The following RALA variants were observed in gnomAD, a reference collection of about 807,000 sequenced individuals.
The protein encoded by RALA is ras-related protein Ral-A.
Under a neutral mutation model 24.0 loss-of-function variants are expected in RALA, and 5 were observed. The observed-to-expected ratio is 0.21, with a 90% confidence interval of 0.11 to 0.44. The LOEUF is 0.44. Among genes scored for constraint, RALA ranks in the 20% least tolerant of loss-of-function variants. RALA has a pLI of 0.99. For missense variants in RALA, 95 were observed against 241.2 expected, an observed-to-expected ratio of 0.39 and a Z score of 4.01; for synonymous variants, 77 against 83.8, an observed-to-expected ratio of 0.92 and a Z score of 0.44.
At chr7:39,651,847 CTG>C (rs1386368114) in intron 1 of RALA, among the ~76,000 whole-genome samples, 19 of 152,144 alleles carry the variant, frequency 1.2e-4, no homozygotes, top group Admixed American at 5.2e-4. Context: ...TTTTAAACGA[CTG>C]TTTTATGGTT....
intron 1 of RALA, among the ~76,000 whole-genome samples, chr7:39,647,214 T>C (rs575164219): frequency 6.6e-6 from 1 of 152,172 alleles, no homozygotes; most frequent in East Asian, 1.9e-4. Flanking sequence ...AGCTGATTTT[T>C]GTATTTTTTG....
intron 1 of RALA, among the ~76,000 whole-genome samples, chr7:39,683,228 G>C (rs1792637212): frequency 6.6e-6 from 1 of 152,192 alleles, no homozygotes; most frequent in Non-Finnish European, 1.5e-5. Context: ...ACAGGAAACA[G>C]ACTGACACTA....
At chr7:39,633,435 G>A (rs539117674) in intron 1 of RALA, among the ~76,000 whole-genome samples, 3 of 152,098 alleles carry the variant, frequency 2.0e-5, no homozygotes, top group African/African-American at 4.8e-5. Context: ...GAGCAGGAGC[G>A]AGCATGTGCA....
intron 3 of RALA, among the ~76,000 whole-genome samples, chr7:39,693,063 A>G (rs1313055070): frequency 6.6e-6 from 1 of 152,208 alleles, no homozygotes; most frequent in South Asian, 2.1e-4. Flanking sequence ...CGATCCCATT[A>G]CTGGGTATGT....
At chr7:39,645,912 G>C (rs1791916810) in intron 1 of RALA, among the ~76,000 whole-genome samples, 1 of 152,170 alleles carries the variant, frequency 6.6e-6, no homozygotes, top group Non-Finnish European at 1.5e-5. Flanking sequence ...AGAGGTGTCA[G>C]GAGGTTGTAG....
intron 4 of RALA, chr7:39,700,239 T>C (rs1793001519): frequency 6.6e-6 from 1 of 152,278 alleles, no homozygotes; most frequent in Non-Finnish European, 1.5e-5. Context: ...ATACATTCTG[T>C]GGCCAAGAAT....
intron 1 of RALA, among the ~76,000 whole-genome samples, chr7:39,636,856 A>G (rs1027714306): frequency 5.9e-5 from 9 of 152,254 alleles, no homozygotes; most frequent in African/African-American, 2.2e-4. Flanking sequence ...ACACGGGGGC[A>G]AGGAAGTGCT....
At position 39,707,302 on chromosome 7, in the gene RALA, C is replaced by T. The variant is rs1419716338; in HGVS notation, c.*1057C>T. 2.0e-5 allele frequency: 3 copies of T among 152,160 alleles called. No individual in the cohort carries two copies. Among genetic ancestry groups the T allele is most frequent in the Admixed American group, 6.5e-5 (1 of 15,276 alleles). The allele number at this position is 152,160 out of a possible 1,614,324, so 9.4% of individuals were successfully genotyped here. ...AGTGCTAATGCATTTTGCACTAGAA[C>T]GCTTCGGGAAAATATTCATGCTTGC... On this transcript the variant is annotated 3_prime_UTR_variant, in exon 5 of 5. Coordinates refer to ENST00000005257, the MANE Select transcript of RALA (RefSeq NM_005402.4).
intron 1 of RALA, among the ~76,000 whole-genome samples, chr7:39,685,389 G>C (rs1176268541): frequency 6.6e-6 from 1 of 152,220 alleles, no homozygotes; most frequent in African/African-American, 2.4e-5. Flanking sequence ...AGGAGGGGGC[G>C]TGGTTCTGGG....
At chr7:39,630,578 A>G (rs1212124899) in intron 1 of RALA, among the ~76,000 whole-genome samples, 1 of 152,192 alleles carries the variant, frequency 6.6e-6, no homozygotes. Context: ...AGTCATATTC[A>G]GGAAACTTCT....
intron 1 of RALA, among the ~76,000 whole-genome samples, chr7:39,650,781 A>G (rs1792004963): frequency 6.6e-6 from 1 of 152,214 alleles, no homozygotes; most frequent in South Asian, 2.1e-4. Flanking sequence ...GATGGTTCTG[A>G]CTTAGAATCT....
chr7:39,658,174 C>G (rs1326581278), intron 1 of RALA, among the ~76,000 whole-genome samples: 1 of 152,186 alleles, frequency 6.6e-6, no homozygotes, highest in African/African-American at 2.4e-5. Context: ...CTATTACCAT[C>G]TCACTCCATC....
intron 1 of RALA, among the ~76,000 whole-genome samples, chr7:39,633,325 C>T (rs1024149322): frequency 2.0e-5 from 3 of 152,156 alleles, no homozygotes; most frequent in African/African-American, 7.2e-5. Flanking sequence ...GGGGAGGCCT[C>T]AGGAAACTTA....
intron 1 of RALA, among the ~76,000 whole-genome samples, chr7:39,633,663 A>C (rs1264805357): frequency 1.3e-5 from 2 of 152,212 alleles, no homozygotes; most frequent in Non-Finnish European, 2.9e-5. Context: ...GAGTTTATCC[A>C]CTGGGGGGTA....
intron 4 of RALA, among the ~76,000 whole-genome samples, chr7:39,703,556 T>C (rs1400884684): frequency 3.3e-5 from 5 of 152,218 alleles, no homozygotes; most frequent in African/African-American, 1.2e-4. Flanking sequence ...GCCATTCATC[T>C]AAGGAACTCA....
intron 3 of RALA, among the ~76,000 whole-genome samples, chr7:39,692,731 G>T (rs920438018): frequency 5.3e-5 from 8 of 152,178 alleles, no homozygotes; most frequent in African/African-American, 1.9e-4. Flanking sequence ...TGCAGCACCT[G>T]ACTCAGAGTA....
At chr7:39,654,495 T>C (rs1341583292) in intron 1 of RALA, among the ~76,000 whole-genome samples, 1 of 152,218 alleles carries the variant, frequency 6.6e-6, no homozygotes, top group African/African-American at 2.4e-5. Flanking sequence ...TCCCAGTCTG[T>C]GACTTATCCT....
chr7:39,660,843 C>T (rs1232156662), intron 1 of RALA, among the ~76,000 whole-genome samples: 1 of 152,136 alleles, frequency 6.6e-6, no homozygotes, highest in Non-Finnish European at 1.5e-5. Flanking sequence ...TATTTACTAT[C>T]AGGTACACAA....
At chr7:39,674,819 C>CTTTTTTTTT (rs11452061) in intron 1 of RALA, among the ~76,000 whole-genome samples, 6 of 96,698 alleles carry the variant, frequency 6.2e-5, no homozygotes, top group East Asian at 3.3e-4. Flanking sequence ...TAATTTTATG[C>CTTTTTTTTT]TTTTTTTTTT....
Sources: gnomAD v4.1 joint callset for allele counts (sites outside exome capture counted in the v4.1 genomes callset) on GRCh38, gnomAD v4.1.1 for gene constraint, MANE v1.5 for transcripts, NCBI Gene and HGNC (gene_info 2026-07-23, HGNC 2026-07-21) for gene names.